UBE2E2: variants seen among roughly 807,000 people sequenced by gnomAD.
The protein encoded by UBE2E2 is ubiquitin conjugating enzyme E2 E2.
A neutral mutation model predicts 24.7 loss-of-function variants in UBE2E2; 6 were observed. The observed-to-expected ratio is 0.24, with a 90% confidence interval of 0.13 to 0.48. The LOEUF is 0.48. UBE2E2 is among the 20% of genes least tolerant of loss of function. The probability of loss-of-function intolerance (pLI) is 0.99; values close to 1 mark genes in which losing one functional copy is unlikely to be tolerated. For missense variants in UBE2E2, 169 were observed against 245.0 expected (o/e 0.69, Z 2.07); for synonymous variants, 104 against 83.6 (o/e 1.24, Z -1.33).
intron 3 of UBE2E2, among the ~76,000 whole-genome samples, chr3:23,337,474 T>A (rs1443146143): frequency 6.6e-6 from 1 of 152,194 alleles, no homozygotes; most frequent in Non-Finnish European, 1.5e-5. Flanking sequence ...GAAGGCCTAC[T>A]TGATGAATTA....
At chr3:23,580,992 A>G (rs902257596) in intron 5 of UBE2E2, among the ~76,000 whole-genome samples, 6 of 152,226 alleles carry the variant, frequency 3.9e-5, no homozygotes, top group Non-Finnish European at 7.3e-5. Flanking sequence ...GATTCATGTT[A>G]AACACGTTTT....
chr3:23,311,940 C>T (rs915916949), intron 3 of UBE2E2, among the ~76,000 whole-genome samples: 1 of 152,060 alleles, frequency 6.6e-6, no homozygotes, highest in African/African-American at 2.4e-5. Context: ...ATTGTAATCG[C>T]CAGTGTTGGA....
chr3:23,373,959 TG>T (rs200445681), intron 3 of UBE2E2, among the ~76,000 whole-genome samples: 1,941 of 152,304 alleles, frequency 0.013, 44 homozygotes, highest in African/African-American at 0.044. Flanking sequence ...GTTTATTAAA[TG>T]TTCTAAAAAT....
intron 3 of UBE2E2, among the ~76,000 whole-genome samples, chr3:23,275,867 C>A (rs1698363907): frequency 6.6e-6 from 1 of 151,848 alleles, no homozygotes; most frequent in South Asian, 2.1e-4. Flanking sequence ...ATATGTTGCC[C>A]AGCAGATCCC....
intron 3 of UBE2E2, among the ~76,000 whole-genome samples, chr3:23,415,015 T>C (rs959185818): frequency 6.6e-6 from 1 of 152,238 alleles, no homozygotes; most frequent in Non-Finnish European, 1.5e-5. Context: ...TTTCATGATT[T>C]TGTGTGCAAC....
intron 3 of UBE2E2, among the ~76,000 whole-genome samples, chr3:23,386,303 C>T (rs1696803249): frequency 6.6e-6 from 1 of 152,090 alleles, no homozygotes; most frequent in Non-Finnish European, 1.5e-5. Flanking sequence ...CGTGGCTCCT[C>T]ACAGGGTGGA....
At chr3:23,397,612 C>G (rs1157696776) in intron 3 of UBE2E2, among the ~76,000 whole-genome samples, 1 of 152,152 alleles carries the variant, frequency 6.6e-6, no homozygotes, top group Non-Finnish European at 1.5e-5. Context: ...TTTACCATCT[C>G]AATACATGGG....
chr3:23,375,485 G>A (rs540053499), intron 3 of UBE2E2, among the ~76,000 whole-genome samples: 115 of 152,218 alleles, frequency 7.6e-4, no homozygotes, highest in Non-Finnish European at 1.4e-3. Context: ...ATAATCTGGC[G>A]AGAAGACTTG....
chr3:23,370,523 T>C (rs1281377732), intron 3 of UBE2E2, among the ~76,000 whole-genome samples: 2 of 152,178 alleles, frequency 1.3e-5, no homozygotes, highest in South Asian at 2.1e-4. Flanking sequence ...TAAAATATTA[T>C]AGGAAATATA....
chr3:23,512,138 G>A (rs1047000072), intron 4 of UBE2E2, among the ~76,000 whole-genome samples: 2 of 150,640 alleles, frequency 1.3e-5, no homozygotes, highest in African/African-American at 2.4e-5. Flanking sequence ...AAGTGATCTT[G>A]GTAAGTGCAC....
chr3:23,497,671 T>C (rs1290324197), intron 3 of UBE2E2, among the ~76,000 whole-genome samples: 1 of 152,246 alleles, frequency 6.6e-6, no homozygotes, highest in African/African-American at 2.4e-5. Flanking sequence ...GTGTATATTT[T>C]GTGCACTCAT....
At chr3:23,572,258 A>G (rs941294566) in intron 5 of UBE2E2, among the ~76,000 whole-genome samples, 1 of 152,180 alleles carries the variant, frequency 6.6e-6, no homozygotes, top group Non-Finnish European at 1.5e-5. Context: ...TTAAGCCTAT[A>G]ATTAGTAGTC....
At chr3:23,296,864 G>A (rs1402525083) in intron 3 of UBE2E2, among the ~76,000 whole-genome samples, 1 of 152,198 alleles carries the variant, frequency 6.6e-6, no homozygotes, top group Non-Finnish European at 1.5e-5. Context: ...TCTAGTTCTA[G>A]ATCCCTGAGG....
chr3:23,268,716 T>C (rs1247548826), intron 3 of UBE2E2, among the ~76,000 whole-genome samples: 4 of 149,592 alleles, frequency 2.7e-5, no homozygotes, highest in Admixed American at 6.6e-5. Context: ...AAAGTTCATA[T>C]GGAACCAAAA....
chr3:23,512,940 GCATA>G (rs981282650), intron 4 of UBE2E2, among the ~76,000 whole-genome samples: 2 of 126,150 alleles, frequency 1.6e-5, no homozygotes, highest in African/African-American at 5.5e-5. Flanking sequence ...ATACATACAT[GCATA>G]CATACATACA....
chr3:23,267,142 G>A (rs917380627), intron 3 of UBE2E2, among the ~76,000 whole-genome samples: 1 of 151,716 alleles, frequency 6.6e-6, no homozygotes, highest in African/African-American at 2.4e-5. Context: ...ACAATTAAAA[G>A]AACTAGAAAA....
chr3:23,383,921 C>A (rs1696742176), intron 3 of UBE2E2, among the ~76,000 whole-genome samples: 2 of 149,720 alleles, frequency 1.3e-5, no homozygotes, highest in African/African-American at 2.4e-5. Context: ...ATTTCAGTTT[C>A]ATGCCATATA....
intron 3 of UBE2E2, among the ~76,000 whole-genome samples, chr3:23,494,103 G>A (rs943775418): frequency 6.6e-6 from 1 of 152,172 alleles, no homozygotes; most frequent in African/African-American, 2.4e-5. Flanking sequence ...GCCTGTTTAT[G>A]TTCTTCATCA....
At chr3:23,499,075 G>A (rs1699665273) in intron 3 of UBE2E2, among the ~76,000 whole-genome samples, 1 of 152,204 alleles carries the variant, frequency 6.6e-6, no homozygotes. Context: ...AAAACAAAAT[G>A]ATACATCTTA....
Sources: allele counts gnomAD v4.1 joint callset (sites outside exome capture counted in the v4.1 genomes callset), GRCh38; gene constraint gnomAD v4.1.1; transcripts MANE v1.5; gene names NCBI Gene and HGNC (gene_info 2026-07-23, HGNC 2026-07-21).